MBD5: variants seen among roughly 807,000 people sequenced by gnomAD.
MBD5 encodes the protein methyl-CpG-binding domain protein 5.
Under a neutral mutation model 117.3 loss-of-function variants are expected in MBD5, and 13 were observed. The observed-to-expected ratio is 0.11, with a 90% CI of 0.07 to 0.18. The LOEUF (loss-of-function observed/expected upper bound fraction) is 0.18. Among genes scored for constraint, MBD5 ranks in the 10% least tolerant of loss-of-function variants. The pLI is 1.00. For missense variants in MBD5, 1,879 were observed against 2,093.8 expected (o/e 0.90, Z 2.00); for synonymous variants, 727 against 766.4 (o/e 0.95, Z 0.85).
chr2:148,143,235 G>C (rs1283314213), intron 1 of MBD5, among the ~76,000 whole-genome samples: 2 of 152,112 alleles, frequency 1.3e-5, no homozygotes, highest in African/African-American at 4.8e-5. Context: ...ATTATACCTG[G>C]TTTTGCTTAA....
intron 3 of MBD5, among the ~76,000 whole-genome samples, chr2:148,335,200 G>C (rs912827016): frequency 2.0e-5 from 3 of 151,994 alleles, no homozygotes; most frequent in African/African-American, 4.8e-5. Flanking sequence ...ACAAGCCTGG[G>C]CAACAAAGTG....
chr2:148,324,024 G>A lies in MBD5; in HGVS notation c.-679-18190G>A, dbSNP rs555951282. Among the ~76,000 whole-genome samples, 13 of 152,260 alleles carry A rather than the reference G, an allele frequency of 8.5e-5. No homozygotes were observed. The South Asian group carries it at 2.7e-3, about 32-fold the overall frequency. On this transcript the variant is annotated intron_variant, in intron 3 of 13. Coordinates refer to ENST00000642680, the MANE Select transcript of MBD5 (RefSeq NM_001378120.1). ...CATCTTGAATTGATTTTTGTATAAG[G>A]TGTAAGGAAGGGATCCAGTTACAGC...
chr2:148,301,964 T>A (rs1459114888), intron 3 of MBD5, among the ~76,000 whole-genome samples: 1 of 152,104 alleles, frequency 6.6e-6, no homozygotes, highest in Non-Finnish European at 1.5e-5. Flanking sequence ...AATTATTATT[T>A]TAGAGAGACA....
chr2:148,237,511 T>A (rs1237780662), intron 3 of MBD5, among the ~76,000 whole-genome samples: 1 of 152,048 alleles, frequency 6.6e-6, no homozygotes, highest in African/African-American at 2.4e-5. Flanking sequence ...GGCATTGGAG[T>A]ATTCAGAACA....
chr2:148,276,015 C>G (rs534314253), intron 3 of MBD5, among the ~76,000 whole-genome samples: 2 of 151,824 alleles, frequency 1.3e-5, no homozygotes, highest in South Asian at 4.2e-4. Context: ...TTTGTTTTGA[C>G]TATTTTTTAA....
At chr2:148,230,269 G>A (rs1341795096) in intron 2 of MBD5, among the ~76,000 whole-genome samples, 2 of 152,158 alleles carry the variant, frequency 1.3e-5, no homozygotes, top group Non-Finnish European at 2.9e-5. Context: ...CTCAAAAGAT[G>A]TAGTCCTCCC....
intron 1 of MBD5, among the ~76,000 whole-genome samples, chr2:148,101,023 C>G (rs566490822): frequency 6.6e-6 from 1 of 152,286 alleles, no homozygotes; most frequent in African/African-American, 2.4e-5. Flanking sequence ...GGGTAGGTCA[C>G]TAATTATCAT....
chr2:148,153,350 T>G (rs1356992408), intron 1 of MBD5, among the ~76,000 whole-genome samples: 1 of 152,048 alleles, frequency 6.6e-6, no homozygotes, highest in Non-Finnish European at 1.5e-5. Context: ...AAAACTGACC[T>G]TTCTCTCTGG....
chr2:148,257,290 G>A (rs888454587), intron 3 of MBD5, among the ~76,000 whole-genome samples: 4 of 152,216 alleles, frequency 2.6e-5, no homozygotes, highest in Non-Finnish European at 5.9e-5. Context: ...TGCCAGGAAG[G>A]CAGTCTCAGC....
chr2:148,064,277 G>A (rs959366673), intron 1 of MBD5, among the ~76,000 whole-genome samples: 4 of 151,730 alleles, frequency 2.6e-5, no homozygotes, highest in African/African-American at 9.7e-5. Flanking sequence ...CACCACGCCC[G>A]GCTAATTTTT....
chr2:148,192,979 A>C, intron 2 of MBD5, among the ~76,000 whole-genome samples: 1 of 89,454 alleles, frequency 1.1e-5, no homozygotes, highest in Non-Finnish European at 2.3e-5. Flanking sequence ...ACAAACAGAG[A>C]GCCAAATCAT....
chr2:148,122,687 C>G (rs1696798036), intron 1 of MBD5, among the ~76,000 whole-genome samples: 1 of 152,104 alleles, frequency 6.6e-6, no homozygotes, highest in Non-Finnish European at 1.5e-5. Context: ...GATACCATTA[C>G]CCATTCAATA....
intron 12 of MBD5, among the ~76,000 whole-genome samples, chr2:148,507,701 A>G (rs1682080854): frequency 6.6e-6 from 1 of 151,424 alleles, no homozygotes; most frequent in South Asian, 2.1e-4. Flanking sequence ...CGGAGCTTGC[A>G]GTGAGCCGAG....
At chr2:148,367,862 CT>C (rs1287114584) in intron 4 of MBD5, among the ~76,000 whole-genome samples, 1 of 152,130 alleles carries the variant, frequency 6.6e-6, no homozygotes, top group East Asian at 1.9e-4. Flanking sequence ...AAATAGTACA[CT>C]TTTACACCAT....
chr2:148,196,122 C>T (rs1698981712), intron 2 of MBD5: 1 of 152,104 alleles, frequency 6.6e-6, no homozygotes, highest in South Asian at 2.1e-4. Flanking sequence ...TGACGATTTC[C>T]TTTCTCCTAT....
intron 3 of MBD5, among the ~76,000 whole-genome samples, chr2:148,314,670 A>C (rs992739358): frequency 2.0e-5 from 3 of 152,000 alleles, no homozygotes; most frequent in Admixed American, 6.6e-5. Flanking sequence ...GATCCAGCGC[A>C]TTCAGGGTGG....
At chr2:148,123,401 CA>C (rs1365121365) in intron 1 of MBD5, among the ~76,000 whole-genome samples, 2 of 152,116 alleles carry the variant, frequency 1.3e-5, no homozygotes, top group African/African-American at 4.8e-5. Context: ...CAATATACCA[CA>C]ATGGTGGTGT....
At chr2:148,102,813 A>G (rs1696266945) in intron 1 of MBD5, among the ~76,000 whole-genome samples, 1 of 151,292 alleles carries the variant, frequency 6.6e-6, no homozygotes, top group Admixed American at 6.6e-5. Context: ...CATTTGTAGG[A>G]GCAGTAGAAG....
At chr2:148,244,804 A>T (rs990920096) in intron 3 of MBD5, among the ~76,000 whole-genome samples, 1 of 152,178 alleles carries the variant, frequency 6.6e-6, no homozygotes, top group Non-Finnish European at 1.5e-5. Context: ...ATGGTGTCCT[A>T]AACAGTGTGC....
Sources: gnomAD v4.1 joint callset for allele counts (sites outside exome capture counted in the v4.1 genomes callset) on GRCh38, gnomAD v4.1.1 for gene constraint, MANE v1.5 for transcripts, NCBI Gene and HGNC (gene_info 2026-07-23, HGNC 2026-07-21) for gene names.